Variants in NRG4 observed in about 807,000 individuals in gnomAD.
NRG4 encodes the protein neuregulin 4.
Under a neutral mutation model 15.0 loss-of-function variants are expected in NRG4, and 10 were observed. That is an observed-to-expected ratio of 0.67 (90% CI 0.41 to 1.13). NRG4 has a LOEUF of 1.13. Among genes scored for constraint, NRG4 ranks in the 50% most tolerant of loss-of-function variants. The probability of loss-of-function intolerance (pLI) is 0.00; values close to 1 mark genes in which losing one functional copy is unlikely to be tolerated. For missense variants in NRG4, 139 were observed against 140.2 expected, an observed-to-expected ratio of 0.99 and a Z score of 0.04; for synonymous variants, 41 against 50.1, an observed-to-expected ratio of 0.82 and a Z score of 0.77.
chr15:75,972,970 C>T (rs747164995), intron 3 of NRG4, among the ~76,000 whole-genome samples: 2 of 152,132 alleles, frequency 1.3e-5, no homozygotes, highest in African/African-American at 2.4e-5. Flanking sequence ...ACAGTGTGGC[C>T]ATTTTCAAGA....
At chr15:76,020,243 T>C (rs575465175) in intron 5 of NRG4, among the ~76,000 whole-genome samples, 8 of 152,274 alleles carry the variant, frequency 5.3e-5, no homozygotes, top group African/African-American at 1.7e-4. Flanking sequence ...ATTAGCCCAA[T>C]TGATAACCCT....
chr15:75,979,684 A>G (rs1318917776), intron 3 of NRG4, among the ~76,000 whole-genome samples: 1 of 152,158 alleles, frequency 6.6e-6, no homozygotes, highest in East Asian at 1.9e-4. Context: ...TTTTCTGGAT[A>G]TTATATTAAG....
intron 1 of NRG4, chr15:76,059,574 C>G (rs185647656): frequency 8.5e-5 from 13 of 152,890 alleles, no homozygotes; most frequent in African/African-American, 2.9e-4. Context: ...CCTGCGTCCC[C>G]GTCAAACCCA....
chr15:75,992,002 C>A (rs1181476314), intron 3 of NRG4, among the ~76,000 whole-genome samples: 1 of 151,912 alleles, frequency 6.6e-6, no homozygotes, highest in Non-Finnish European at 1.5e-5. Context: ...ATCTATAAAC[C>A]TTTTAGCCAA....
intron 5 of NRG4, among the ~76,000 whole-genome samples, chr15:76,025,115 T>G (rs1322705866): frequency 6.6e-6 from 1 of 152,116 alleles, no homozygotes; most frequent in Non-Finnish European, 1.5e-5. Context: ...AATAGTACGC[T>G]TAAGGAAACT....
chr15:75,943,781 T>TG, intron 5 of NRG4, 127 bp from the exon 6 acceptor site: 1 of 637,488 alleles, frequency 1.6e-6, no homozygotes. Flanking sequence ...TGATAGGATG[T>TG]GTTGAGGTAA....
chr15:75,952,307 G>T (rs1342169003), intron 5 of NRG4, among the ~76,000 whole-genome samples: 1 of 151,996 alleles, frequency 6.6e-6, no homozygotes, highest in African/African-American at 2.4e-5. Context: ...TGCCTGTTCT[G>T]GGCATTTCAT....
chr15:75,962,969 G>A lies in NRG4; in HGVS notation c.105-995C>T, dbSNP rs140454457. Among the ~76,000 whole-genome samples, 268 of 152,232 alleles carry A rather than the reference G, an allele frequency of 1.8e-3. 3 individuals are homozygous for A. Among genetic ancestry groups the A allele is most frequent in the African/African-American group, 6.0e-3 (250 of 41,538 alleles). On this transcript the variant is annotated intron_variant, in intron 3 of 5. Coordinates refer to ENST00000394907, the MANE Select transcript of NRG4 (RefSeq NM_138573.4). ...CCTTATTCCTTTCCAGTTTAGGTAG[G>A]TATTTAGAAATTTTATCTCTGTTTC...
At chr15:76,026,790 C>T (rs1005060901) in intron 5 of NRG4, among the ~76,000 whole-genome samples, 2 of 152,248 alleles carry the variant, frequency 1.3e-5, no homozygotes, top group East Asian at 3.9e-4. Flanking sequence ...GGATTAAATA[C>T]TCCATTTAAA....
intron 4 of NRG4, among the ~76,000 whole-genome samples, chr15:76,040,141 G>A (rs984020997): frequency 5.3e-5 from 8 of 152,028 alleles, no homozygotes; most frequent in African/African-American, 1.9e-4. Context: ...CAAAGGTTAA[G>A]GATAAAGAAA....
chr15:75,940,311 A>G (rs2030812623), downstream of NRG4: 1 of 152,080 alleles, frequency 6.6e-6, no homozygotes, highest in Admixed American at 6.5e-5. Flanking sequence ...TGTACAATGA[A>G]AACTACAAAA....
intron 1 of NRG4, among the ~76,000 whole-genome samples, chr15:76,058,518 G>GT (rs2036211267): frequency 6.6e-6 from 1 of 152,218 alleles, no homozygotes; most frequent in Non-Finnish European, 1.5e-5. Context: ...CCAAGAGGTG[G>GT]TTTTGAAGTC....
Position 75,943,577 on chromosome 15 carries a change from G to C in NRG4, c.*61C>G. On this transcript the variant is annotated 3_prime_UTR_variant, in exon 6 of 6. Transcript: ENST00000394907. ...TAGATTTTTAATTCTTTTACCTAGT[G>C]GTGTTTCATTTTCTGCCTTTGTAAA... 1.0e-6 allele frequency: 1 copy of C among 976,510 alleles called. No individual in the cohort carries two copies. Among genetic ancestry groups the C allele is most frequent in the Non-Finnish European group, 1.6e-6 (1 of 609,554 alleles). The allele number at this position is 976,510 out of a possible 1,614,324, so 60.5% of individuals were successfully genotyped here. A position where few individuals can be genotyped will look rare whatever the true frequency, so the allele number is the denominator to read the frequency against.
At chr15:76,003,914 G>A (rs1215551614) in intron 3 of NRG4, among the ~76,000 whole-genome samples, 2 of 152,064 alleles carry the variant, frequency 1.3e-5, no homozygotes, top group Non-Finnish European at 2.9e-5. Context: ...CACTTGACCT[G>A]TTCTGCAAGA....
At chr15:75,975,949 T>C (rs566748196) in intron 3 of NRG4, among the ~76,000 whole-genome samples, 1 of 152,334 alleles carries the variant, frequency 6.6e-6, no homozygotes. Flanking sequence ...AAGAGTGTTT[T>C]CCAACTTGGT....
At chr15:76,038,905 C>A (rs1159555701) in intron 4 of NRG4, among the ~76,000 whole-genome samples, 1 of 152,160 alleles carries the variant, frequency 6.6e-6, no homozygotes, top group African/African-American at 2.4e-5. Context: ...AGAGGTGGCT[C>A]AGCACAGAGA....
intron 4 of NRG4, among the ~76,000 whole-genome samples, chr15:76,041,180 A>G (rs1005704715): frequency 6.6e-6 from 1 of 152,188 alleles, no homozygotes; most frequent in African/African-American, 2.4e-5. Context: ...AAAAAATAAA[A>G]AGAAATTAAA....
intron 3 of NRG4, among the ~76,000 whole-genome samples, chr15:75,993,127 G>C (rs2034082208): frequency 1.3e-5 from 2 of 151,702 alleles, no homozygotes; most frequent in Non-Finnish European, 2.9e-5. Flanking sequence ...TATGTAATGT[G>C]TCACTTTATC....
At chr15:75,956,314 C>G (rs335728) in intron 4 of NRG4, among the ~76,000 whole-genome samples, 142,779 of 152,226 alleles carry the variant, frequency 0.94, 67,275 homozygotes, top group East Asian at 1. Flanking sequence ...CAACAGCAAA[C>G]CTGTTGTATC....
Sources: allele counts gnomAD v4.1 joint callset (sites outside exome capture counted in the v4.1 genomes callset), GRCh38; gene constraint gnomAD v4.1.1; transcripts MANE v1.5; gene names NCBI Gene and HGNC (gene_info 2026-07-23, HGNC 2026-07-21).